The following ROBO2 variants were observed in gnomAD, a reference collection of about 807,000 sequenced individuals.
The protein encoded by ROBO2 is roundabout guidance receptor 2.
In ROBO2, 53 loss-of-function variants were observed where a neutral mutation model predicts 160.8. That is an observed-to-expected ratio of 0.33 (90% CI 0.26 to 0.41). ROBO2 has a LOEUF of 0.41. Ranked by LOEUF, ROBO2 falls within the 10% of genes least tolerant of loss-of-function variation. ROBO2 has a pLI of 1.00. For missense variants in ROBO2, 1,577 were observed against 1,722.4 expected (o/e 0.92, Z 1.49); for synonymous variants, 664 against 611.7 (o/e 1.09, Z -1.26).
intron 2 of ROBO2, among the ~76,000 whole-genome samples, chr3:76,093,000 G>T (rs2069294503): frequency 6.6e-6 from 1 of 152,102 alleles, no homozygotes; most frequent in Admixed American, 6.6e-5. Context: ...CCCAAATGTA[G>T]AAAACTTATT....
intron 2 of ROBO2, among the ~76,000 whole-genome samples, chr3:76,152,046 A>T (rs892048893): frequency 1.3e-5 from 2 of 152,184 alleles, no homozygotes; most frequent in Non-Finnish European, 2.9e-5. Context: ...GAAACTACTA[A>T]ATTTTTCTAA....
At chr3:76,026,026 A>C (rs936883576) in intron 2 of ROBO2, among the ~76,000 whole-genome samples, 1 of 151,950 alleles carries the variant, frequency 6.6e-6, no homozygotes, top group Admixed American at 6.6e-5. Flanking sequence ...AAACTGTTGC[A>C]TATACTTGGC....
At chr3:76,896,337 G>A (rs995204992) in intron 2 of ROBO2, among the ~76,000 whole-genome samples, 3 of 152,062 alleles carry the variant, frequency 2.0e-5, no homozygotes, top group African/African-American at 7.2e-5. Context: ...AGTAAAAGTA[G>A]CCTCAATCTT....
At chr3:77,171,839 G>C (rs1375048127) in intron 2 of ROBO2, among the ~76,000 whole-genome samples, 1 of 152,062 alleles carries the variant, frequency 6.6e-6, no homozygotes, top group Non-Finnish European at 1.5e-5. Flanking sequence ...TAAGTTTAAA[G>C]AAAAAGATCA....
At chr3:77,636,991 T>A (rs144891937) in intron 24 of ROBO2, among the ~76,000 whole-genome samples, 1,593 of 152,326 alleles carry the variant, frequency 0.01, 26 homozygotes, top group African/African-American at 0.036. Context: ...AAGGTGAATT[T>A]CTTTTTCCTT....
chr3:76,708,778 T>C (rs1041215897), intron 2 of ROBO2, among the ~76,000 whole-genome samples: 1 of 152,164 alleles, frequency 6.6e-6, no homozygotes, highest in African/African-American at 2.4e-5. Flanking sequence ...TGGATGAAGA[T>C]GAGGGGATTG....
At chr3:77,056,773 T>A (rs946108055) in intron 1 of ROBO2, among the ~76,000 whole-genome samples, 7 of 152,266 alleles carry the variant, frequency 4.6e-5, no homozygotes, top group Non-Finnish European at 1.0e-4. Context: ...ATTGAGGCCA[T>A]GTCGTAATCC....
At chr3:76,262,094 A>G (rs1380253023) in intron 2 of ROBO2, among the ~76,000 whole-genome samples, 1 of 152,150 alleles carries the variant, frequency 6.6e-6, no homozygotes, top group Admixed American at 6.6e-5. Context: ...CAACAGAGCT[A>G]TGCCAATACA....
At chr3:77,389,008 A>G (rs1225015511) in intron 2 of ROBO2, among the ~76,000 whole-genome samples, 2 of 152,200 alleles carry the variant, frequency 1.3e-5, no homozygotes, top group Non-Finnish European at 2.9e-5. Context: ...GCAATAGCAC[A>G]ATCTTGGCTC....
At chr3:76,516,780 A>G (rs1211463115) in intron 2 of ROBO2, among the ~76,000 whole-genome samples, 2 of 152,282 alleles carry the variant, frequency 1.3e-5, no homozygotes, top group African/African-American at 2.4e-5. Flanking sequence ...TAAAAACAGT[A>G]TTCATAAGAA....
At chr3:76,272,672 C>T (rs1233288333) in intron 2 of ROBO2, among the ~76,000 whole-genome samples, 1 of 63,416 alleles carries the variant, frequency 1.6e-5, no homozygotes, top group Non-Finnish European at 4.2e-5. Flanking sequence ...AAAATACATA[C>T]ACATATAAAT....
At chr3:77,055,868 T>C (rs1174132080) in intron 1 of ROBO2, among the ~76,000 whole-genome samples, 3 of 152,222 alleles carry the variant, frequency 2.0e-5, no homozygotes, top group African/African-American at 7.2e-5. Context: ...AAGGTGAACT[T>C]TGGCCAAATG....
intron 2 of ROBO2, among the ~76,000 whole-genome samples, chr3:76,526,969 A>G (rs538820134): frequency 1.3e-5 from 2 of 152,226 alleles, no homozygotes; most frequent in Admixed American, 6.6e-5. Flanking sequence ...AGAAGCCACA[A>G]TGATGTATGT....
At chr3:76,380,076 T>C (rs1330334333) in intron 2 of ROBO2, among the ~76,000 whole-genome samples, 1 of 152,156 alleles carries the variant, frequency 6.6e-6, no homozygotes, top group African/African-American at 2.4e-5. Flanking sequence ...GCATATGCCA[T>C]ATCTAGGTGG....
At chr3:76,476,034 T>C (rs1238496770) in intron 2 of ROBO2, among the ~76,000 whole-genome samples, 2 of 151,926 alleles carry the variant, frequency 1.3e-5, no homozygotes, top group African/African-American at 4.8e-5. Flanking sequence ...TCGCCTGTAA[T>C]CCAAGCTACT....
chr3:76,277,748 G>T (rs1429005790), intron 2 of ROBO2, among the ~76,000 whole-genome samples: 1 of 151,814 alleles, frequency 6.6e-6, no homozygotes, highest in East Asian at 1.9e-4. Context: ...GAATGCCTGA[G>T]TAAAGCGATT....
intron 2 of ROBO2, among the ~76,000 whole-genome samples, chr3:76,358,142 A>G (rs982809045): frequency 6.6e-6 from 1 of 151,996 alleles, no homozygotes; most frequent in East Asian, 1.9e-4. Flanking sequence ...CTAGAAATAA[A>G]CTACGTTTAT....
intron 2 of ROBO2, among the ~76,000 whole-genome samples, chr3:77,392,581 AAT>A (rs887640204): frequency 8.5e-5 from 13 of 152,294 alleles, no homozygotes; most frequent in African/African-American, 3.1e-4. Context: ...TGCAGTAATA[AAT>A]ATGTGTTCTA....
chr3:75,995,360 T>C (rs1327649156), intron 2 of ROBO2, among the ~76,000 whole-genome samples: 2 of 152,064 alleles, frequency 1.3e-5, no homozygotes, highest in East Asian at 1.9e-4. Context: ...AATATAAAGC[T>C]CAGGCCATTG....
Sources: gnomAD v4.1 joint callset for allele counts (sites outside exome capture counted in the v4.1 genomes callset) on GRCh38, gnomAD v4.1.1 for gene constraint, MANE v1.5 for transcripts, NCBI Gene and HGNC (gene_info 2026-07-23, HGNC 2026-07-21) for gene names.